KIF21B: variants seen among roughly 807,000 people sequenced by gnomAD.
The protein encoded by KIF21B is kinesin family member 21B, also known as kinesin-like protein KIF21B.
In KIF21B, 85 loss-of-function variants were observed where a neutral mutation model predicts 192.9. That is an observed-to-expected ratio of 0.44 (90% CI 0.37 to 0.53). KIF21B has a LOEUF of 0.53. Among genes scored for constraint, KIF21B ranks in the 20% least tolerant of loss-of-function variants. The pLI, the probability that KIF21B is intolerant of heterozygous loss-of-function variation, is 0.00. For synonymous variants in KIF21B, 832 were observed against 884.6 expected, an observed-to-expected ratio of 0.94 and a Z score of 1.05; for missense variants, 1,716 against 2,194.8, an observed-to-expected ratio of 0.78 and a Z score of 4.36.
intron 14 of KIF21B, among the ~76,000 whole-genome samples, chr1:200,997,532 C>T (rs1433488331): frequency 1.3e-5 from 2 of 152,216 alleles, no homozygotes; most frequent in Non-Finnish European, 2.9e-5. Context: ...ATCACAAGGT[C>T]AGGAGTTCAA....
At position 200,970,676 on chromosome 1, in the gene KIF21B, G is replaced by C. The variant is rs1294313422; in HGVS notation, c.*2845C>G. ...TTCTATCCAGGGAACCCGCTCATAA[G>C]CTTCGAAAGCACAAAGTGGGGCTTG... is the stretch of plus-strand genomic sequence containing the variant. On this transcript the variant is annotated 3_prime_UTR_variant, in exon 35 of 35. Coordinates refer to ENST00000461742, the MANE Select transcript of KIF21B (RefSeq NM_001252102.2). The C allele has an allele frequency of 2.6e-5, 4 of 152,516 alleles. No individual in the cohort carries two copies. The highest frequency in any genetic ancestry group is 4.4e-5 in the Non-Finnish European group (3 of 68,152). The allele number at this position is 152,516 out of a possible 1,614,324, so 9.4% of individuals were successfully genotyped here. A position where few individuals can be genotyped will look rare whatever the true frequency, so the allele number is the denominator to read the frequency against.
chr1:200,987,576 G>A (rs535150924), intron 24 of KIF21B, among the ~76,000 whole-genome samples: 6 of 152,308 alleles, frequency 3.9e-5, no homozygotes, highest in East Asian at 1.9e-4. Context: ...AAATGATGCC[G>A]TCTTGGCCTA....
intron 28 of KIF21B, 22 bp from the exon 29 acceptor site, chr1:200,981,118 A>G: frequency 1.3e-6 from 2 of 1,571,460 alleles, no homozygotes; most frequent in Non-Finnish European, 1.7e-6. Flanking sequence ...AGAGGGAGAG[A>G]AGGCATGCTC....
Position 201,000,619 on chromosome 1 carries a change from A to C in KIF21B, c.1467-11T>G, listed in dbSNP as rs1657430217. 6.2e-7 allele frequency: 1 copy of C among 1,613,508 alleles called. No individual in the cohort carries two copies. The highest frequency in any genetic ancestry group is 8.5e-7 in the Non-Finnish European group (1 of 1,179,854). ...TCTAGAAGCTTAGTCCTGCACAGGA[A>C]GAACGAGTGGACGGGGCCGAGTGAG... On this transcript the variant is annotated splice_polypyrimidine_tract_variant and intron_variant, in intron 10 of 34. Coordinates refer to ENST00000461742, the MANE Select transcript of KIF21B (RefSeq NM_001252102.2). This position sits in a 1 kb window ranked among gnomAD's most constrained non-coding sequence, Gnocchi z 6.0.
chr1:201,012,818 A>G (rs1309002607), intron 1 of KIF21B, among the ~76,000 whole-genome samples: 3 of 151,928 alleles, frequency 2.0e-5, no homozygotes, highest in Non-Finnish European at 4.4e-5. Flanking sequence ...TAATTTTTAT[A>G]TTTTTTGTAG....
chr1:201,014,109 C>T (rs1476513352), intron 1 of KIF21B, among the ~76,000 whole-genome samples: 1 of 152,232 alleles, frequency 6.6e-6, no homozygotes, highest in Non-Finnish European at 1.5e-5. Context: ...GAGAAAGGGC[C>T]CGGAGCTTTT....
rs988359251 is a variant in KIF21B, at chr1:200,988,617, C to T, written c.3299-73G>A. 6.5e-5 allele frequency: 96 copies of T among 1,468,504 alleles called. No individual in the cohort carries two copies. In the Admixed American group the frequency reaches 1.9e-3, roughly 29 times the overall value. 91.0% of individuals were successfully genotyped at this position (1,468,504 alleles called of 1,614,324 possible). On this transcript the variant is annotated intron_variant, in intron 22 of 34. Coordinates refer to ENST00000461742, the MANE Select transcript of KIF21B (RefSeq NM_001252102.2). ...AGTGTCGGGGGAGGGATGATGGTCT[C>T]CCTCCTATATCTCACCCACTGGAAT...
chr1:200,974,468 AAGCGGGCG>A (rs1390457014), intron 34 of KIF21B, among the ~76,000 whole-genome samples: 2 of 152,114 alleles, frequency 1.3e-5, no homozygotes, highest in African/African-American at 4.8e-5. Context: ...GCTTGGAGAC[AAGCGGGCG>A]AGGCTTGGCC....
At chr1:200,983,639 C>T (rs1217876385) in intron 27 of KIF21B, among the ~76,000 whole-genome samples, 1 of 152,188 alleles carries the variant, frequency 6.6e-6, no homozygotes, top group Non-Finnish European at 1.5e-5. Flanking sequence ...GCACAGGCTC[C>T]AAGACCTGGA....
Position 200,976,775 on chromosome 1 carries a change from C to T in KIF21B, c.4443+1G>A, listed in dbSNP as rs1355687660. ...CGACCCAGGCCTCATAGCTGAGGTA[C>T]CTTAACGTAGTGGTCCTTGGAGCCA... On this transcript the variant is annotated splice_donor_variant, in intron 32 of 34. Transcript: ENST00000461742. LOFTEE classifies it high-confidence loss of function. The T allele has an allele frequency of 6.2e-7, 1 of 1,604,528 alleles. No homozygotes were observed. Among genetic ancestry groups the T allele is most frequent in the Non-Finnish European group, 8.5e-7 (1 of 1,172,256 alleles).
chr1:200,988,532 G>T lies in KIF21B; in HGVS notation c.3311C>A (p.Ala1104Asp). 1 of 1,490,232 alleles carries T rather than the reference G, an allele frequency of 6.7e-7. No individual in the cohort carries two copies. The allele number at this position is 1,490,232 out of a possible 1,614,324, so 92.3% of individuals were successfully genotyped here. Residue 1104 changes from alanine (A) to aspartate (D), a missense_variant, in exon 23 of 35, where the codon GCC becomes GAC. Around this residue, in one of 3 missense-constraint regions of KIF21B, gnomAD observed 580 missense variants for 775.5 expected, o/e 0.75. Coordinates refer to ENST00000461742, the MANE Select transcript of KIF21B (RefSeq NM_001252102.2). ...IYNVQQENGYASTDEEISEFS... is the reference protein window; with the variant it reads ...IYNVQQENGYDSTDEEISEFS... ...CTCTGAGATCTCCTCATCTGTGCTG[G>T]CGTAGCCATTCTCTGTGGGAGGGCG...
At position 201,013,566 on chromosome 1, in the gene KIF21B, C is replaced by G. The variant is rs556475037; in HGVS notation, c.42-4078G>C. 1.3e-4 allele frequency among the ~76,000 whole-genome samples: 20 copies of G among 152,258 alleles called. No individual in the cohort carries two copies. The South Asian group carries it at 4.1e-3, about 32-fold the overall frequency. Reference sequence around the variant, plus strand: ...AGAGACAGGGTCTCACTATGTTGCCCAGGCTTGTCTCAAACTCCTGGGCTT... The same window carrying G: ...AGAGACAGGGTCTCACTATGTTGCCGAGGCTTGTCTCAAACTCCTGGGCTT... On this transcript the variant is annotated intron_variant, in intron 1 of 34. Transcript: ENST00000461742.
rs954921770 is a variant in KIF21B at position 201,023,423 on chromosome 1, G to C, written c.-40C>G. On this transcript the variant is annotated 5_prime_UTR_variant, in exon 1 of 35. Transcript: ENST00000461742. This position sits in a 1 kb window ranked among gnomAD's most constrained non-coding sequence, Gnocchi z 5.9. ...AGGGTCTGGGCGTGGATCAGAGGCG[G>C]GGGTCTGGGGGCCAATGCCCGAGGC... The C allele has an allele frequency of 2.1e-5, 29 of 1,383,056 alleles. No homozygotes were observed. In the African/African-American group the frequency reaches 3.6e-4, roughly 17 times the overall value. The allele number at this position is 1,383,056 out of a possible 1,614,324, so 85.7% of individuals were successfully genotyped here.
chr1:200,995,092 G>A (rs1656962962), intron 15 of KIF21B, among the ~76,000 whole-genome samples: 3 of 152,362 alleles, frequency 2.0e-5, no homozygotes, highest in South Asian at 4.1e-4. Context: ...CCCAGGTGAG[G>A]TGGCTGGGCC....
At chr1:201,019,615 G>A (rs1379509329) in intron 1 of KIF21B, among the ~76,000 whole-genome samples, 2 of 152,158 alleles carry the variant, frequency 1.3e-5, no homozygotes, top group Non-Finnish European at 1.5e-5. Context: ...AGGCAGGCTG[G>A]GTGGTGGAGG....
At chr1:201,010,252 G>A (rs974854014) in intron 1 of KIF21B, among the ~76,000 whole-genome samples, 1 of 152,178 alleles carries the variant, frequency 6.6e-6, no homozygotes, top group Non-Finnish European at 1.5e-5. Flanking sequence ...GACCTGCATA[G>A]CTGGGGCTGA....
At chr1:201,004,565 T>C (rs1657691705) in intron 6 of KIF21B, 110 bp from the exon 7 acceptor site, 1 of 1,153,660 alleles carries the variant, frequency 8.7e-7, no homozygotes, top group Non-Finnish European at 1.3e-6. Context: ...CCAGCAGCCC[T>C]CTTGCTCCTT....
At chr1:201,008,721 T>C in intron 3 of KIF21B, 48 bp downstream of exon 3, 1 of 1,521,272 alleles carries the variant, frequency 6.6e-7, no homozygotes, top group African/African-American at 1.4e-5. Context: ...TCCATGGTCC[T>C]GTTGTCCACC....
Position 201,017,681 on chromosome 1 carries a change from A to G in KIF21B, c.41+5662T>C, listed in dbSNP as rs1298182903. Among the ~76,000 whole-genome samples the G allele has an allele frequency of 6.6e-6, 1 of 152,184 alleles. No individual in the cohort carries two copies. The highest frequency in any genetic ancestry group is 1.5e-5 in the Non-Finnish European group (1 of 68,018). On this transcript the variant is annotated intron_variant, in intron 1 of 34. Coordinates refer to ENST00000461742, the MANE Select transcript of KIF21B (RefSeq NM_001252102.2). The surrounding 1 kb of genome is among the most constrained non-coding windows in gnomAD (Gnocchi z 4.1). ...GGAGGGCAGCAAGCCTCTCCCCACC[A>G]CACCGGCCCTGGCCCCCTGCCCACA...
Sources: allele counts gnomAD v4.1 joint callset (sites outside exome capture counted in the v4.1 genomes callset), GRCh38; gene constraint gnomAD v4.1.1; regional missense constraint gnomAD v4.1.1; non-coding constraint Gnocchi (gnomAD v3.1); transcripts MANE v1.5; gene names NCBI Gene and HGNC (gene_info 2026-07-23, HGNC 2026-07-21).